The following ODAD2 variants were observed in gnomAD, a reference collection of about 807,000 sequenced individuals.
ODAD2 encodes outer dynein arm docking complex subunit 2.
ODAD2 carries 89 observed loss-of-function variants against 106.8 expected under a neutral mutation model. The observed-to-expected ratio is 0.83, with a 90% CI of 0.70 to 0.99. ODAD2 has a LOEUF of 0.99. ODAD2 is among the 50% of genes least tolerant of loss of function. ODAD2 has a pLI of 0.00. For synonymous variants in ODAD2, 404 were observed against 436.2 expected (o/e 0.93, Z 0.92); for missense variants, 1,168 against 1,238.5 (o/e 0.94, Z 0.85).
intron 17 of ODAD2, among the ~76,000 whole-genome samples, chr10:27,877,530 T>G (rs1841424897): frequency 6.6e-6 from 1 of 152,182 alleles, no homozygotes; most frequent in South Asian, 2.1e-4. Context: ...TTTCTTTTCT[T>G]TTTTCCTTTT....
chr10:27,988,949 C>T (rs1403337464), intron 2 of ODAD2, among the ~76,000 whole-genome samples: 1 of 151,982 alleles, frequency 6.6e-6, no homozygotes. Flanking sequence ...AAGAGGAAGA[C>T]AGGAGGGACA....
At chr10:27,942,656 GAAT>G (rs1846540794) in intron 12 of ODAD2, among the ~76,000 whole-genome samples, 1 of 152,136 alleles carries the variant, frequency 6.6e-6, no homozygotes, top group African/African-American at 2.4e-5. Context: ...TATTTAAGCA[GAAT>G]AATGATAATC....
chr10:27,908,121 CAA>C (rs1843731518), intron 16 of ODAD2, among the ~76,000 whole-genome samples: 1 of 152,048 alleles, frequency 6.6e-6, no homozygotes, highest in Non-Finnish European at 1.5e-5. Flanking sequence ...AAATACTTTC[CAA>C]AACAAATATT....
chr10:27,961,820 T>C, intron 9 of ODAD2, 105 bp from the exon 10 acceptor site: 1 of 931,266 alleles, frequency 1.1e-6, no homozygotes, highest in Non-Finnish European at 1.6e-6. Context: ...ATCTCAGTGC[T>C]TTGGGAGGCT....
chr10:27,891,954 T>G (rs959591594), intron 17 of ODAD2, among the ~76,000 whole-genome samples: 6 of 17,924 alleles, frequency 3.3e-4, no homozygotes, highest in African/African-American at 8.9e-4. Context: ...GAACAAAGAA[T>G]TTAATATATG....
chr10:27,823,512 G>T (rs1195612547), intron 19 of ODAD2, among the ~76,000 whole-genome samples: 1 of 152,140 alleles, frequency 6.6e-6, no homozygotes, highest in Non-Finnish European at 1.5e-5. Context: ...TTTCTTATCA[G>T]TAAAATTAGG....
At chr10:27,989,800 C>G (rs1486911448) in intron 2 of ODAD2, among the ~76,000 whole-genome samples, 4 of 152,066 alleles carry the variant, frequency 2.6e-5, no homozygotes, top group African/African-American at 7.2e-5. Flanking sequence ...AGTGAGCCAA[C>G]ATCACACCAC....
chr10:27,940,362 T>G (rs1013877314), intron 13 of ODAD2, among the ~76,000 whole-genome samples: 10 of 151,748 alleles, frequency 6.6e-5, no homozygotes, highest in African/African-American at 7.3e-5. Context: ...ATGTGTGAGA[T>G]ATATATATAT....
At chr10:27,953,238 T>C (rs1847492225) in intron 10 of ODAD2, among the ~76,000 whole-genome samples, 1 of 152,200 alleles carries the variant, frequency 6.6e-6, no homozygotes, top group Non-Finnish European at 1.5e-5. Flanking sequence ...AGGTATTATG[T>C]TGTACAGCAG....
intron 16 of ODAD2, among the ~76,000 whole-genome samples, chr10:27,915,260 T>C (rs557002869): frequency 1.3e-4 from 20 of 152,238 alleles, no homozygotes; most frequent in Admixed American, 1.0e-3. Context: ...AATAACAGAA[T>C]GCCATATGCT....
intron 2 of ODAD2, among the ~76,000 whole-genome samples, chr10:27,992,350 C>A (rs772442251): frequency 4.3e-4 from 65 of 152,054 alleles, no homozygotes; most frequent in Non-Finnish European, 6.6e-4. Flanking sequence ...GTAATTGTTT[C>A]AAAATGTCAA....
At chr10:27,964,686 T>A (rs567291468) in intron 9 of ODAD2, among the ~76,000 whole-genome samples, 3 of 152,346 alleles carry the variant, frequency 2.0e-5, no homozygotes, top group South Asian at 2.1e-4. Flanking sequence ...AAGAACAGAA[T>A]CAAATCTGTG....
intron 8 of ODAD2, 138 bp downstream of exon 8, chr10:27,970,970 T>A (rs1273881038): frequency 4.6e-5 from 14 of 306,064 alleles, no homozygotes; most frequent in Admixed American, 3.5e-4. Flanking sequence ...AGACTCCATC[T>A]TAAATAAATA....
intron 10 of ODAD2, among the ~76,000 whole-genome samples, chr10:27,949,766 G>A (rs1395524010): frequency 6.6e-6 from 1 of 152,182 alleles, no homozygotes; most frequent in Non-Finnish European, 1.5e-5. Context: ...GGGGGCAAGC[G>A]TGGATGGATG....
intron 19 of ODAD2, among the ~76,000 whole-genome samples, chr10:27,824,207 G>A (rs1836860482): frequency 6.9e-6 from 1 of 144,782 alleles, no homozygotes; most frequent in Admixed American, 7.0e-5. Context: ...GTTTTCTCTT[G>A]TATCAGTCTC....
intron 16 of ODAD2, among the ~76,000 whole-genome samples, chr10:27,911,093 C>T (rs1417256366): frequency 6.6e-6 from 1 of 152,094 alleles, no homozygotes; most frequent in Non-Finnish European, 1.5e-5. Context: ...AAAGGAACAT[C>T]GCCGCCGTCC....
intron 6 of ODAD2, among the ~76,000 whole-genome samples, chr10:27,983,141 T>C (rs1291848223): frequency 6.6e-6 from 1 of 152,188 alleles, no homozygotes; most frequent in Non-Finnish European, 1.5e-5. Context: ...TGGTTCCAGT[T>C]TCCAGGTTTG....
At chr10:27,901,123 A>G (rs1202579138) in intron 17 of ODAD2, among the ~76,000 whole-genome samples, 1 of 152,328 alleles carries the variant, frequency 6.6e-6, no homozygotes, top group East Asian at 1.9e-4. Context: ...TCTCTGCAAA[A>G]ACTCTACAAG....
At chr10:27,881,940 C>A (rs947607600) in intron 17 of ODAD2, among the ~76,000 whole-genome samples, 3 of 151,716 alleles carry the variant, frequency 2.0e-5, no homozygotes, top group African/African-American at 4.8e-5. Flanking sequence ...TTGAAGTGGG[C>A]AGATTGCTTG....
Sources: gnomAD v4.1 joint callset for allele counts (sites outside exome capture counted in the v4.1 genomes callset) on GRCh38, gnomAD v4.1.1 for gene constraint, MANE v1.5 for transcripts, NCBI Gene and HGNC (gene_info 2026-07-23, HGNC 2026-07-21) for gene names.